Variants in NRG3 observed in about 807,000 individuals in gnomAD.
NRG3 encodes pro-neuregulin-3, membrane-bound isoform.
In NRG3, 31 loss-of-function variants were observed where a neutral mutation model predicts 66.9. The observed-to-expected ratio is 0.46, with a 90% CI of 0.35 to 0.63. NRG3 has a LOEUF of 0.63. Ranked by LOEUF, NRG3 falls within the 20% of genes least tolerant of loss-of-function variation. NRG3 has a pLI of 0.00. For missense variants in NRG3, 910 were observed against 878.9 expected (o/e 1.04, Z -0.45); for synonymous variants, 393 against 359.4 (o/e 1.09, Z -1.06).
At chr10:81,958,340 A>T (rs1235433062) in intron 1 of NRG3, among the ~76,000 whole-genome samples, 1 of 152,212 alleles carries the variant, frequency 6.6e-6, no homozygotes, top group Middle Eastern at 3.2e-3. Flanking sequence ...TTTATAAGCT[A>T]TTGTTATGTT....
intron 1 of NRG3, among the ~76,000 whole-genome samples, chr10:82,089,147 C>T (rs2065887918): frequency 6.6e-6 from 1 of 152,030 alleles, no homozygotes; most frequent in African/African-American, 2.4e-5. Context: ...TTTTAGTGAG[C>T]AATGGGCAAA....
In NRG3 at chr10:82,468,840, G is replaced by T. The variant is rs558675090; in HGVS notation, c.953+109972G>T. On this transcript the variant is annotated intron_variant, in intron 2 of 8. Coordinates refer to ENST00000372141, the MANE Select transcript of NRG3 (RefSeq NM_001010848.4). ...GGAAGGATGGGGAGTGATATTGAGA[G>T]GAGAGAGAGAGAGAAAGAAAGGGAA... Among the ~76,000 whole-genome samples the T allele has an allele frequency of 2.0e-5, 3 of 151,550 alleles. No individual in the cohort carries two copies. The East Asian group carries it at 5.8e-4, about 29-fold the overall frequency.
chr10:82,320,721 A>G (rs1390074590), intron 1 of NRG3, among the ~76,000 whole-genome samples: 1 of 152,186 alleles, frequency 6.6e-6, no homozygotes, highest in Non-Finnish European at 1.5e-5. Flanking sequence ...ACACATAAGG[A>G]AATACTGCGT....
intron 1 of NRG3, among the ~76,000 whole-genome samples, chr10:82,132,492 G>GATATATATATCATATATATATC (rs2068936467): frequency 2.4e-4 from 9 of 36,948 alleles, no homozygotes; most frequent in African/African-American, 6.2e-4. Context: ...ATATATATAT[G>GATATATATATCATATATATATC]ATATATATAT....
intron 1 of NRG3, among the ~76,000 whole-genome samples, chr10:82,175,329 C>T (rs2072947905): frequency 6.6e-6 from 1 of 152,136 alleles, no homozygotes; most frequent in Non-Finnish European, 1.5e-5. Context: ...TGAAAAAAAA[C>T]TTTAAAGGCT....
At chr10:82,197,262 T>A (rs2074499451) in intron 1 of NRG3, among the ~76,000 whole-genome samples, 1 of 152,174 alleles carries the variant, frequency 6.6e-6, no homozygotes, top group African/African-American at 2.4e-5. Context: ...AATCTGCTCT[T>A]TTGAACAATA....
At chr10:82,173,762 C>T (rs879704100) in intron 1 of NRG3, among the ~76,000 whole-genome samples, 6 of 151,812 alleles carry the variant, frequency 4.0e-5, no homozygotes, top group South Asian at 4.2e-4. Flanking sequence ...TCAACACTTA[C>T]GTACACATAA....
At chr10:81,906,514 C>T (rs1844619588) in intron 1 of NRG3, among the ~76,000 whole-genome samples, 1 of 152,162 alleles carries the variant, frequency 6.6e-6, no homozygotes, top group African/African-American at 2.4e-5. Flanking sequence ...CGGGGAAGAG[C>T]ATGGGCAGTG....
intron 2 of NRG3, among the ~76,000 whole-genome samples, chr10:82,542,809 A>C (rs1025086405): frequency 6.6e-6 from 1 of 152,190 alleles, no homozygotes; most frequent in Non-Finnish European, 1.5e-5. Context: ...AAGTGTCAGG[A>C]AAGATTGGGA....
chr10:82,898,823 G>A (rs1023268059), intron 4 of NRG3, among the ~76,000 whole-genome samples: 3 of 143,658 alleles, frequency 2.1e-5, no homozygotes, highest in East Asian at 2.2e-4. Flanking sequence ...TCGGGTTCAC[G>A]CCATTTTTCT....
rs558287492 is a variant in NRG3 at position 82,098,832 on chromosome 10, C to T, written c.823+222669C>T. Reference sequence around the variant, plus strand: ...AGGCTGGAGCGCAGTGGTGCGATCTCGGCTCACTGCAAGCTCCACCTCCTG... The same window carrying T: ...AGGCTGGAGCGCAGTGGTGCGATCTTGGCTCACTGCAAGCTCCACCTCCTG... On this transcript the variant is annotated intron_variant, in intron 1 of 8. Transcript: ENST00000372141. Among the ~76,000 whole-genome samples, 27 of 152,266 alleles carry T rather than the reference C, an allele frequency of 1.8e-4. No individual in the cohort carries two copies. In the East Asian group the frequency reaches 1.9e-3, roughly 11 times the overall value.
chr10:82,149,616 A>G (rs1295402000), intron 1 of NRG3, among the ~76,000 whole-genome samples: 1 of 152,074 alleles, frequency 6.6e-6, no homozygotes, highest in African/African-American at 2.4e-5. Flanking sequence ...AAGTTCCTCC[A>G]TAGAAATGTG....
intron 1 of NRG3, among the ~76,000 whole-genome samples, chr10:82,125,139 A>T (rs1019395778): frequency 2.0e-5 from 3 of 151,960 alleles, no homozygotes; most frequent in Non-Finnish European, 4.4e-5. Flanking sequence ...AGACAATTGA[A>T]ATGTCCTTTA....
chr10:82,860,558 A>G (rs1269749222), intron 3 of NRG3, among the ~76,000 whole-genome samples: 1 of 152,206 alleles, frequency 6.6e-6, no homozygotes, highest in Non-Finnish European at 1.5e-5. Flanking sequence ...TACCAGTAAA[A>G]TGAACATTAC....
chr10:81,967,255 A>G (rs1259877951), intron 1 of NRG3, among the ~76,000 whole-genome samples: 6 of 151,750 alleles, frequency 4.0e-5, no homozygotes, highest in Non-Finnish European at 7.4e-5. Flanking sequence ...TTTCCCTGAT[A>G]ATATTTATTT....
At chr10:82,121,688 G>T (rs2132373239) in intron 1 of NRG3, among the ~76,000 whole-genome samples, 1 of 152,184 alleles carries the variant, frequency 6.6e-6, no homozygotes, top group Admixed American at 6.6e-5. Flanking sequence ...CTGTTGCCCA[G>T]GCTGGAGTGC....
chr10:82,712,821 T>C (rs1042662267), intron 2 of NRG3, among the ~76,000 whole-genome samples: 2 of 152,032 alleles, frequency 1.3e-5, no homozygotes, highest in African/African-American at 2.4e-5. Flanking sequence ...AAGAGGGCCA[T>C]AGTGGCTGGA....
At chr10:82,314,224 A>G (rs2081181496) in intron 1 of NRG3, among the ~76,000 whole-genome samples, 1 of 152,194 alleles carries the variant, frequency 6.6e-6, no homozygotes, top group East Asian at 1.9e-4. Context: ...TAGCTTGACA[A>G]CAGAACTTTA....
intron 1 of NRG3, among the ~76,000 whole-genome samples, chr10:82,137,344 G>A (rs770772045): frequency 2.3e-4 from 35 of 152,104 alleles, no homozygotes; most frequent in Non-Finnish European, 8.8e-5. Flanking sequence ...ATGCTAAGCC[G>A]AAGTGCCAGA....
Sources: allele counts gnomAD v4.1 joint callset (sites outside exome capture counted in the v4.1 genomes callset), GRCh38; gene constraint gnomAD v4.1.1; transcripts MANE v1.5; gene names NCBI Gene and HGNC (gene_info 2026-07-23, HGNC 2026-07-21).